Variants in RNF17 observed in about 807,000 individuals in gnomAD.
RNF17 encodes the protein ring finger protein 17.
RNF17 carries 31 observed loss-of-function variants against 200.5 expected under a neutral mutation model. The ratio of observed to expected loss-of-function variants is 0.15; its 90% CI spans 0.12 to 0.21. RNF17 has a LOEUF of 0.21. RNF17 is among the 10% of genes least tolerant of loss of function. The pLI, the probability that RNF17 is intolerant of heterozygous loss-of-function variation, is 1.00. For missense variants in RNF17, 1,628 were observed against 1,905.1 expected (o/e 0.85, Z 2.71); for synonymous variants, 606 against 637.8 (o/e 0.95, Z 0.75).
the RNF17 span, among the ~76,000 whole-genome samples, chr13:24,750,046 A>G: frequency 1.3e-5 from 2 of 152,074 alleles, no homozygotes; most frequent in Non-Finnish European, 2.9e-5. Flanking sequence ...GTCACCATGC[A>G]TGGCCAATTG....
intron 15 of RNF17, among the ~76,000 whole-genome samples, chr13:24,820,773 A>G (rs1887969527): frequency 6.6e-6 from 1 of 152,004 alleles, no homozygotes; most frequent in African/African-American, 2.4e-5. Flanking sequence ...ACTGACTTAT[A>G]ATCTTCTTGA....
At chr13:24,815,428 G>GGGGTGTGTGTGTGT (rs1296161698) in intron 15 of RNF17, among the ~76,000 whole-genome samples, 1 of 144,100 alleles carries the variant, frequency 6.9e-6, no homozygotes, top group African/African-American at 2.6e-5. Flanking sequence ...GCCCTAACGG[G>GGGGTGTGTGTGTGT]GTGTGTGTGT....
the RNF17 span, among the ~76,000 whole-genome samples, chr13:24,758,072 C>T: frequency 6.6e-6 from 1 of 152,224 alleles, no homozygotes; most frequent in Non-Finnish European, 1.5e-5. Flanking sequence ...TGTAAGTTGC[C>T]TGAGGCCTCC....
At chr13:24,881,631 GAGATATATCTAGAT>G (rs1178326204), downstream of RNF17, among the ~76,000 whole-genome samples, 6 of 150,554 alleles carry the variant, frequency 4.0e-5, no homozygotes, top group African/African-American at 7.3e-5. Context: ...CTATAATCTA[GAGATATATCTAGAT>G]AGATATATCT....
downstream of RNF17, among the ~76,000 whole-genome samples, chr13:24,880,597 A>G (rs906136695): frequency 5.3e-5 from 8 of 152,160 alleles, no homozygotes; most frequent in African/African-American, 1.9e-4. Context: ...GTATAACTCT[A>G]TTCACTTTTA....
At chr13:24,815,993 C>A (rs2137877701) in intron 15 of RNF17, among the ~76,000 whole-genome samples, 1 of 152,300 alleles carries the variant, frequency 6.6e-6, no homozygotes, top group East Asian at 1.9e-4. Flanking sequence ...CTCCCAGACT[C>A]AAGCAGTCCT....
At chr13:24,771,597 A>G (rs1200562297) in intron 2 of RNF17, among the ~76,000 whole-genome samples, 2 of 148,564 alleles carry the variant, frequency 1.3e-5, no homozygotes, top group Non-Finnish European at 3.0e-5. Context: ...GTGTTTCTTA[A>G]CTAGTCATTT....
chr13:24,836,767 C>G (rs1230814172), intron 18 of RNF17, among the ~76,000 whole-genome samples: 1 of 151,626 alleles, frequency 6.6e-6, no homozygotes, highest in African/African-American at 2.4e-5. Flanking sequence ...CTCTTCAGAG[C>G]ATAAATCACA....
chr13:24,872,392 A>G (rs1048081701), intron 32 of RNF17, among the ~76,000 whole-genome samples: 13 of 152,260 alleles, frequency 8.5e-5, no homozygotes, highest in Admixed American at 7.2e-4. Flanking sequence ...GAAATTACAC[A>G]GAAAGCATAT....
chr13:24,834,360 A>T (rs911548365), intron 18 of RNF17, among the ~76,000 whole-genome samples: 2 of 152,194 alleles, frequency 1.3e-5, no homozygotes, highest in Non-Finnish European at 2.9e-5. Flanking sequence ...AGTTGCAGTG[A>T]GCCGAGATTG....
At chr13:24,816,452 C>T (rs1245174945) in intron 15 of RNF17, among the ~76,000 whole-genome samples, 1 of 152,144 alleles carries the variant, frequency 6.6e-6, no homozygotes, top group African/African-American at 2.4e-5. Flanking sequence ...TATCCCATAG[C>T]TGCTTACCAC....
At chr13:24,843,678 G>T in intron 19 of RNF17, 66 bp from the exon 20 acceptor site, 1 of 918,174 alleles carries the variant, frequency 1.1e-6, no homozygotes, top group Non-Finnish European at 1.7e-6. Flanking sequence ...TCAAGATACA[G>T]ACCTGAGCAA....
intron 15 of RNF17, among the ~76,000 whole-genome samples, chr13:24,820,848 CT>C (rs1460272985): frequency 1.3e-5 from 2 of 152,050 alleles, no homozygotes; most frequent in Admixed American, 1.3e-4. Context: ...TTGGCTTTGC[CT>C]TTTTAGAGTT....
At chr13:24,861,137 C>T (rs1893056402) in intron 26 of RNF17, 131 bp from the exon 27 acceptor site, 1 of 670,100 alleles carries the variant, frequency 1.5e-6, no homozygotes, top group African/African-American at 1.9e-5. Flanking sequence ...CCTCTGCCTC[C>T]CAGAGTGCTG....
chr13:24,867,242 G>T (rs548441865), intron 30 of RNF17, among the ~76,000 whole-genome samples: 16 of 152,272 alleles, frequency 1.1e-4, no homozygotes, highest in African/African-American at 3.8e-4. Context: ...TGCCCAGGCT[G>T]GTCTTGAACT....
In RNF17 at chr13:24,781,911, A is replaced by G. The variant is rs755856431; in HGVS notation, c.578A>G (p.Gln193Arg). The part of the protein sequence containing the change: ...RERVIEVVEK[Q>R]FDQLLAFFDS... ...AGAGTTATAGAAGTTGTGGAGAAAC[A>G]GTTTGACCAACTTTTGGCTTTTTTT... The change falls in exon 6 of 36, where the codon CAG (glutamine) becomes CGG (arginine). Residue 193 changes from glutamine to arginine, a missense_variant. This residue lies in a region of RNF17 where 502 missense variants were observed against 501.7 expected (regional missense o/e 1.00). Coordinates refer to ENST00000255324, the MANE Select transcript of RNF17 (RefSeq NM_031277.3). 10 of 1,613,026 alleles carry G rather than the reference A, an allele frequency of 6.2e-6. No homozygotes were observed. In the East Asian group the frequency reaches 6.7e-5, roughly 11 times the overall value.
chr13:24,767,758 A>C (rs528615936), intron 2 of RNF17, among the ~76,000 whole-genome samples: 42 of 152,160 alleles, frequency 2.8e-4, no homozygotes, highest in African/African-American at 9.2e-4. Context: ...AAAAAAAAAA[A>C]AAAACCCTAA....
At chr13:24,851,886 T>A (rs1435730886) in intron 24 of RNF17, among the ~76,000 whole-genome samples, 1 of 152,214 alleles carries the variant, frequency 6.6e-6, no homozygotes, top group Admixed American at 6.5e-5. Context: ...CTGAGCCCTT[T>A]GGTATCCTTT....
intron 10 of RNF17, among the ~76,000 whole-genome samples, chr13:24,795,681 C>T (rs1884476103): frequency 6.6e-6 from 1 of 152,106 alleles, no homozygotes; most frequent in Admixed American, 6.5e-5. Context: ...ACTTGGGAGT[C>T]AGAGTGGCTA....
Sources: gnomAD v4.1 joint callset for allele counts (sites outside exome capture counted in the v4.1 genomes callset) on GRCh38, gnomAD v4.1.1 for gene constraint, gnomAD v4.1.1 regional missense constraint, MANE v1.5 for transcripts, NCBI Gene and HGNC (gene_info 2026-07-23, HGNC 2026-07-21) for gene names.